ACSS3: variants seen among roughly 807,000 people sequenced by gnomAD.
ACSS3 encodes the protein acyl-CoA synthetase short chain family member 3.
ACSS3 carries 64 observed loss-of-function variants against 84.2 expected under a neutral mutation model. The ratio of observed to expected loss-of-function variants is 0.76; its 90% CI spans 0.62 to 0.94. ACSS3 has a LOEUF of 0.94. Among genes scored for constraint, ACSS3 ranks in the 40% least tolerant of loss-of-function variants. The probability of loss-of-function intolerance (pLI) is 0.00; values close to 1 mark genes in which losing one functional copy is unlikely to be tolerated. For synonymous variants in ACSS3, 317 were observed against 310.1 expected (o/e 1.02, Z -0.23); for missense variants, 815 against 867.6 (o/e 0.94, Z 0.76).
chr12:81,104,979 C>T (rs1183859162), intron 1 of ACSS3, among the ~76,000 whole-genome samples: 1 of 151,868 alleles, frequency 6.6e-6, no homozygotes, highest in African/African-American at 2.4e-5. Context: ...ACCCAAAGAG[C>T]GTATGTTAAA....
chr12:81,093,871 T>C (rs1034474331), intron 1 of ACSS3, among the ~76,000 whole-genome samples: 10 of 152,134 alleles, frequency 6.6e-5, no homozygotes, highest in African/African-American at 2.4e-4. Flanking sequence ...TGTCAATCTG[T>C]TTGACTCCCT....
At chr12:81,141,647 A>G (rs1182775642) in intron 4 of ACSS3, among the ~76,000 whole-genome samples, 1 of 152,174 alleles carries the variant, frequency 6.6e-6, no homozygotes, top group East Asian at 1.9e-4. Context: ...ATTTCATTAG[A>G]GTCCTATCAA....
At chr12:81,221,140 A>C (rs1461432829) in intron 11 of ACSS3, among the ~76,000 whole-genome samples, 1 of 152,064 alleles carries the variant, frequency 6.6e-6, no homozygotes, top group Non-Finnish European at 1.5e-5. Context: ...TTTAAAATTT[A>C]TATGCTAGTG....
intron 8 of ACSS3, among the ~76,000 whole-genome samples, chr12:81,194,934 T>G (rs1593183077): frequency 6.6e-6 from 1 of 151,990 alleles, no homozygotes; most frequent in East Asian, 1.9e-4. Flanking sequence ...GCTAAAAATC[T>G]GTATTTTAGT....
intron 9 of ACSS3, among the ~76,000 whole-genome samples, chr12:81,215,694 A>C (rs1431838386): frequency 6.6e-6 from 1 of 152,200 alleles, no homozygotes; most frequent in African/African-American, 2.4e-5. Context: ...AGTAATTCCC[A>C]AACTTTTCAC....
At chr12:81,078,568 C>G (rs182188947) in intron 1 of ACSS3, 137 bp downstream of exon 1, 4 of 946,854 alleles carry the variant, frequency 4.2e-6, no homozygotes, top group Non-Finnish European at 6.3e-6. Flanking sequence ...CCCCTCAATT[C>G]GTGTTTCATT....
intron 10 of ACSS3, among the ~76,000 whole-genome samples, chr12:81,219,216 G>A (rs184359684): frequency 1.5e-3 from 224 of 152,184 alleles, no homozygotes; most frequent in Non-Finnish European, 1.4e-3. Context: ...CATGGCCTCC[G>A]TGAACTCACA....
At chr12:81,185,202 G>A (rs185148877) in intron 8 of ACSS3, among the ~76,000 whole-genome samples, 95 of 151,666 alleles carry the variant, frequency 6.3e-4, no homozygotes, top group African/African-American at 2.2e-3. Context: ...TAGAAGGAAC[G>A]TTTATAATAA....
chr12:81,080,763 G>A (rs909869949), intron 1 of ACSS3, among the ~76,000 whole-genome samples: 1 of 152,196 alleles, frequency 6.6e-6, no homozygotes, highest in Admixed American at 6.5e-5. Context: ...CTTTATATCC[G>A]CAAGATCTAA....
chr12:81,122,640 G>A (rs904273952), intron 2 of ACSS3, among the ~76,000 whole-genome samples: 2 of 152,110 alleles, frequency 1.3e-5, no homozygotes, highest in Non-Finnish European at 2.9e-5. Flanking sequence ...TTAATATAGT[G>A]TGGTAGATTC....
chr12:81,131,255 A>G (rs994739259), intron 2 of ACSS3, among the ~76,000 whole-genome samples: 5 of 152,176 alleles, frequency 3.3e-5, no homozygotes, highest in Non-Finnish European at 7.3e-5. Flanking sequence ...CTTCCCATCC[A>G]TGAGCATGGA....
intron 9 of ACSS3, among the ~76,000 whole-genome samples, chr12:81,213,371 C>T (rs1460522885): frequency 1.3e-5 from 2 of 151,984 alleles, no homozygotes; most frequent in Non-Finnish European, 2.9e-5. Context: ...ATTGAAGATG[C>T]GTCAGTCCTT....
At chr12:81,171,930 A>G (rs2030079706) in intron 7 of ACSS3, among the ~76,000 whole-genome samples, 1 of 152,138 alleles carries the variant, frequency 6.6e-6, no homozygotes, top group Non-Finnish European at 1.5e-5. Context: ...ACTGCAAGCA[A>G]TTGTAACACA....
rs772720653 is a variant in ACSS3 at position 81,254,958 on chromosome 12, T to A, written c.*36T>A. 9 of 1,470,578 alleles carry A rather than the reference T, an allele frequency of 6.1e-6. No homozygotes were observed. The South Asian group carries it at 1.2e-4, about 19-fold the overall frequency. The allele number at this position is 1,470,578 out of a possible 1,614,324, so 91.1% of individuals were successfully genotyped here. On this transcript the variant is annotated 3_prime_UTR_variant, in exon 16 of 16. Transcript: ENST00000548058. ...TTATTCCTATTTTGAGTTGATTTAATTTCTTAATTGAAATTAAATTATTTG... is the reference window on the plus strand; with the variant it reads ...TTATTCCTATTTTGAGTTGATTTAAATTCTTAATTGAAATTAAATTATTTG...
rs1431698512 is a variant in ACSS3 at position 81,254,861 on chromosome 12, C to G, written c.2000C>G (p.Thr667Ser). 1 of 1,604,558 alleles carries G rather than the reference C, an allele frequency of 6.2e-7. No homozygotes were observed. The highest frequency in any genetic ancestry group is 1.1e-5 in the South Asian group (1 of 88,856). Residue 667 changes from threonine to serine, a missense_variant, in exon 16 of 16, where the codon ACT becomes AGT. By Grantham distance (58) the Thr-to-Ser change is moderately conservative (BLOSUM62 1). Transcript: ENST00000548058. The part of the protein sequence containing the change: ...AIVNGKPYKI[T>S]STIEDPSIFG... ...TGACCCTAATTTTTTTTCCAGATAA[C>G]TTCTACAATTGAAGACCCCAGCATT...
At chr12:81,249,337 T>C (rs1187856279) in intron 13 of ACSS3, among the ~76,000 whole-genome samples, 1 of 152,034 alleles carries the variant, frequency 6.6e-6, no homozygotes, top group Admixed American at 6.6e-5. Flanking sequence ...CAAATTGGGC[T>C]CTCTAATTTC....
At chr12:81,198,877 G>T (rs1478942730) in intron 8 of ACSS3, among the ~76,000 whole-genome samples, 2 of 152,092 alleles carry the variant, frequency 1.3e-5, no homozygotes, top group Non-Finnish European at 2.9e-5. Context: ...TTTATCATAG[G>T]ATCTCACAAG....
rs1046221436 is a variant in ACSS3, at chr12:81,247,440, G to C, written c.1720-5867G>C. Among the ~76,000 whole-genome samples the C allele has an allele frequency of 5.9e-5, 9 of 152,168 alleles. No homozygotes were observed. The South Asian group carries it at 8.3e-4, about 14-fold the overall frequency. The stretch of plus-strand genomic sequence containing the variant: ...CTGTATGTAACAGCAGAATGAGATA[G>C]GCAGAAAATAGGCAGTTAAAATGGA... On this transcript the variant is annotated intron_variant, in intron 13 of 15. Coordinates refer to ENST00000548058, the MANE Select transcript of ACSS3 (RefSeq NM_024560.4).
At chr12:81,219,963 A>G in intron 10 of ACSS3, 50 bp from the exon 11 acceptor site, 1 of 1,246,950 alleles carries the variant, frequency 8.0e-7, no homozygotes, top group Non-Finnish European at 1.1e-6. Flanking sequence ...AAAATGTTTA[A>G]GCTTTAAGAT....
Sources: allele counts gnomAD v4.1 joint callset (sites outside exome capture counted in the v4.1 genomes callset), GRCh38; gene constraint gnomAD v4.1.1; transcripts MANE v1.5; gene names NCBI Gene and HGNC (gene_info 2026-07-23, HGNC 2026-07-21).